CSMD1: variants seen among roughly 807,000 people sequenced by gnomAD.
CSMD1 encodes CUB and sushi domain-containing protein 1.
A neutral mutation model predicts 417.5 loss-of-function variants in CSMD1; 213 were observed. The ratio of observed to expected loss-of-function variants is 0.51; its 90% CI spans 0.46 to 0.57. CSMD1 has a LOEUF of 0.57. Ranked by LOEUF, CSMD1 falls within the 20% of genes least tolerant of loss-of-function variation. CSMD1 has a pLI of 0.00. For synonymous variants in CSMD1, 2,862 were observed against 1,736.8 expected (o/e 1.65, Z -16.11); for missense variants, 6,923 against 4,529.7 (o/e 1.53, Z -15.17).
intron 9 of CSMD1, among the ~76,000 whole-genome samples, chr8:3,580,729 C>T (rs144987707): frequency 2.0e-5 from 3 of 152,270 alleles, no homozygotes; most frequent in Admixed American, 2.0e-4. Context: ...ATCTCTGAGA[C>T]AGTGGTTACC....
intron 3 of CSMD1, among the ~76,000 whole-genome samples, chr8:4,137,978 C>T (rs374874528): frequency 8.0e-5 from 12 of 149,866 alleles, no homozygotes; most frequent in East Asian, 5.9e-4. Flanking sequence ...CCTCGGTTCA[C>T]GCCATTCTCC....
chr8:4,312,051 C>T (rs889275729), intron 3 of CSMD1, among the ~76,000 whole-genome samples: 8 of 152,054 alleles, frequency 5.3e-5, no homozygotes, highest in Non-Finnish European at 1.2e-4. Context: ...ATTGTCATTT[C>T]TAGCTAGTAA....
At chr8:3,534,097 G>A (rs989794388) in intron 10 of CSMD1, among the ~76,000 whole-genome samples, 10 of 152,058 alleles carry the variant, frequency 6.6e-5, no homozygotes, top group Admixed American at 2.0e-4. Flanking sequence ...AGTATCTGAG[G>A]CTATGAGAGC....
chr8:4,898,067 A>G (rs1804621476), intron 1 of CSMD1, among the ~76,000 whole-genome samples: 1 of 152,164 alleles, frequency 6.6e-6, no homozygotes. Flanking sequence ...TATTAGTTGG[A>G]AATATTTAGA....
chr8:4,361,471 C>T (rs936603577), intron 3 of CSMD1, among the ~76,000 whole-genome samples: 4 of 152,060 alleles, frequency 2.6e-5, no homozygotes, highest in African/African-American at 7.2e-5. Flanking sequence ...ATAAGGTCGA[C>T]ATTATTGCAT....
chr8:3,719,404 C>T (rs1260940863), intron 6 of CSMD1, among the ~76,000 whole-genome samples: 1 of 152,104 alleles, frequency 6.6e-6, no homozygotes. Flanking sequence ...ATTAACTACC[C>T]TAAAAGTCTA....
chr8:4,182,065 C>G lies in CSMD1; in HGVS notation c.416-149966G>C, dbSNP rs573202141. Among the ~76,000 whole-genome samples, 206 of 149,938 alleles carry G rather than the reference C, an allele frequency of 1.4e-3. 1 individual carries two copies. The highest frequency in any genetic ancestry group is 4.4e-3 in the African/African-American group (181 of 40,676). ...GTGTCGGTGTGTGTGTGTGTGTATACCTAAATTAGGTATTTAAACCTACCT... is the reference window on the plus strand; with the variant it reads ...GTGTCGGTGTGTGTGTGTGTGTATAGCTAAATTAGGTATTTAAACCTACCT... On this transcript the variant is annotated intron_variant, in intron 3 of 69. Transcript: ENST00000635120.
At chr8:4,510,389 C>CAAAAAAAAAAA (rs1563243981) in intron 2 of CSMD1, among the ~76,000 whole-genome samples, 1 of 10,954 alleles carries the variant, frequency 9.1e-5, no homozygotes, top group African/African-American at 4.2e-4. Context: ...AGCATAATGC[C>CAAAAAAAAAAA]TAAAAAAAAA....
At chr8:3,668,463 T>C (rs4875771) in intron 7 of CSMD1, among the ~76,000 whole-genome samples, 95,970 of 151,942 alleles carry the variant, frequency 0.63, 30,509 homozygotes, top group Admixed American at 0.72. Flanking sequence ...GGTGGAGAGA[T>C]GATAGAGTTT....
chr8:3,434,386 C>A (rs1814415839), intron 12 of CSMD1, among the ~76,000 whole-genome samples: 1 of 152,120 alleles, frequency 6.6e-6, no homozygotes, highest in Non-Finnish European at 1.5e-5. Flanking sequence ...CATTTAATTT[C>A]TTCTGAGCAT....
At chr8:4,869,967 G>A (rs796300223) in intron 1 of CSMD1, among the ~76,000 whole-genome samples, 7 of 152,022 alleles carry the variant, frequency 4.6e-5, no homozygotes, top group African/African-American at 1.4e-4. Flanking sequence ...AATTGGTTAA[G>A]GTGACATTTA....
At chr8:4,840,117 G>A (rs1391766121) in intron 1 of CSMD1, among the ~76,000 whole-genome samples, 3 of 12,882 alleles carry the variant, frequency 2.3e-4, no homozygotes, top group Admixed American at 1.3e-3. Context: ...TAGACTCCAC[G>A]GAGGCACTTG....
chr8:4,798,937 C>G (rs1798130240), intron 1 of CSMD1, among the ~76,000 whole-genome samples: 1 of 152,190 alleles, frequency 6.6e-6, no homozygotes. Flanking sequence ...ATCGGCCATT[C>G]TTGATCTGCC....
At chr8:4,418,459 A>T (rs7816189) in intron 3 of CSMD1, among the ~76,000 whole-genome samples, 6 of 151,952 alleles carry the variant, frequency 3.9e-5, no homozygotes, top group Non-Finnish European at 5.9e-5. Context: ...GAGTTTTCAC[A>T]ACATTAATTT....
intron 5 of CSMD1, among the ~76,000 whole-genome samples, chr8:3,766,317 G>A (rs751996792): frequency 1.3e-5 from 2 of 152,124 alleles, no homozygotes; most frequent in Non-Finnish European, 2.9e-5. Flanking sequence ...AGATCACACT[G>A]GTATTAAAAA....
chr8:3,053,970 G>C (rs1470144845), intron 49 of CSMD1, among the ~76,000 whole-genome samples: 2 of 152,174 alleles, frequency 1.3e-5, no homozygotes, highest in African/African-American at 2.4e-5. Flanking sequence ...ACAAGATAGA[G>C]CGGGAAGGGC....
At chr8:3,543,989 G>A (rs1416915873) in intron 10 of CSMD1, among the ~76,000 whole-genome samples, 3 of 152,148 alleles carry the variant, frequency 2.0e-5, no homozygotes, top group South Asian at 4.1e-4. Context: ...CAGATAGGAA[G>A]GGGATCAAGA....
At chr8:3,310,674 G>A (rs531064800) in intron 23 of CSMD1, among the ~76,000 whole-genome samples, 2 of 152,224 alleles carry the variant, frequency 1.3e-5, no homozygotes, top group Non-Finnish European at 2.9e-5. Context: ...ACAGGATCCT[G>A]GGAAAACTTA....
chr8:3,106,418 T>C (rs1816152216), intron 46 of CSMD1, 110 bp downstream of exon 46: 2 of 630,940 alleles, frequency 3.2e-6, no homozygotes, highest in Non-Finnish European at 5.3e-6. Context: ...AAATAAATAA[T>C]AAACAAATAA....
Sources: gnomAD v4.1 joint callset for allele counts (sites outside exome capture counted in the v4.1 genomes callset) on GRCh38, gnomAD v4.1.1 for gene constraint, MANE v1.5 for transcripts, NCBI Gene and HGNC (gene_info 2026-07-23, HGNC 2026-07-21) for gene names.